INPP5A: variants seen among roughly 807,000 people sequenced by gnomAD.
The protein encoded by INPP5A is inositol polyphosphate-5-phosphatase A.
In INPP5A, 14 loss-of-function variants were observed where a neutral mutation model predicts 65.2. The observed-to-expected ratio is 0.21, with a 90% CI of 0.14 to 0.34. The LOEUF (loss-of-function observed/expected upper bound fraction) is 0.34, where lower values mean the gene tolerates loss of function less well. INPP5A is among the 10% of genes least tolerant of loss of function. The pLI, the probability that INPP5A is intolerant of heterozygous loss-of-function variation, is 1.00. For missense variants in INPP5A, 431 were observed against 545.6 expected, an observed-to-expected ratio of 0.79 and a Z score of 2.09; for synonymous variants, 207 against 208.3, an observed-to-expected ratio of 0.99 and a Z score of 0.05.
chr10:132,587,868 C>T lies in INPP5A; in HGVS notation c.76-20047C>T, dbSNP rs145010315. ...TCTACTAAAAAGACAAAAAATTAGCCGGGCATGGTGGTGCACGCCTGTAAT... is the reference window on the plus strand; with the variant it reads ...TCTACTAAAAAGACAAAAAATTAGCTGGGCATGGTGGTGCACGCCTGTAAT... On this transcript the variant is annotated intron_variant, in intron 1 of 15. Coordinates refer to ENST00000368594, the MANE Select transcript of INPP5A (RefSeq NM_005539.5). This position sits in a 1 kb window ranked among gnomAD's most constrained non-coding sequence, Gnocchi z 4.3. 0.022 allele frequency among the ~76,000 whole-genome samples: 3,277 copies of T among 152,058 alleles called. 48 individuals carry two copies. Among genetic ancestry groups the T allele is most frequent in the Middle Eastern group, 0.075 (22 of 294 alleles).
chr10:132,760,570 G>A (rs12249680), intron 11 of INPP5A, among the ~76,000 whole-genome samples: 3,476 of 152,356 alleles, frequency 0.023, 119 homozygotes, highest in African/African-American at 0.078. Flanking sequence ...CATTAAGGAC[G>A]TGGCATCGGA....
intron 2 of INPP5A, among the ~76,000 whole-genome samples, chr10:132,630,178 A>C (rs1017537714): frequency 5.3e-5 from 8 of 152,172 alleles, no homozygotes; most frequent in African/African-American, 1.9e-4. Flanking sequence ...AAAGGCGTCC[A>C]TGAGGGTAAG....
At chr10:132,738,917 A>G (rs1846225604) in intron 9 of INPP5A, among the ~76,000 whole-genome samples, 1 of 152,160 alleles carries the variant, frequency 6.6e-6, no homozygotes, top group Non-Finnish European at 1.5e-5. Flanking sequence ...TCTGTGCTCC[A>G]GGGCCTCACG....
intron 5 of INPP5A, among the ~76,000 whole-genome samples, chr10:132,691,542 T>C (rs1009671807): frequency 6.6e-6 from 1 of 152,244 alleles, no homozygotes; most frequent in African/African-American, 2.4e-5. Context: ...GCAGACCTTT[T>C]GTGTTTTTCA....
At chr10:132,671,561 G>A (rs1225979971) in intron 4 of INPP5A, among the ~76,000 whole-genome samples, 1 of 152,202 alleles carries the variant, frequency 6.6e-6, no homozygotes, top group African/African-American at 2.4e-5. Flanking sequence ...AGCCCTTCCT[G>A]CCATGCCTGT....
chr10:132,656,423 G>C (rs2072657354), intron 4 of INPP5A, among the ~76,000 whole-genome samples: 1 of 152,226 alleles, frequency 6.6e-6, no homozygotes. Flanking sequence ...CGGACACACT[G>C]CCTCCAGGGA....
intron 1 of INPP5A, among the ~76,000 whole-genome samples, chr10:132,539,445 G>C (rs2070881659): frequency 6.6e-6 from 1 of 152,064 alleles, no homozygotes; most frequent in Admixed American, 6.5e-5. Flanking sequence ...TTACCTTCTA[G>C]GGCCCCTCCC....
chr10:132,650,531 AG>A lies in INPP5A; in HGVS notation c.306+30del, dbSNP rs764777409. 1 of 1,545,142 alleles carries A rather than the reference AG, an allele frequency of 6.5e-7. No individual in the cohort carries two copies. Among genetic ancestry groups the A allele is most frequent in the Non-Finnish European group, 8.9e-7 (1 of 1,118,934 alleles). ...GTGAGTCCCTCCCGCTGCCTGGTGC[AG>A]GGGTCAGACAGGCTGGCCTTGGCAG... On this transcript the variant is annotated intron_variant, in intron 4 of 15. Coordinates refer to ENST00000368594, the MANE Select transcript of INPP5A (RefSeq NM_005539.5). The surrounding 1 kb of genome is among the most constrained non-coding windows in gnomAD (Gnocchi z 5.5).
At chr10:132,662,201 T>C (rs550949994) in intron 4 of INPP5A, among the ~76,000 whole-genome samples, 72 of 152,254 alleles carry the variant, frequency 4.7e-4, no homozygotes, top group Non-Finnish European at 8.2e-4. Context: ...AGCCGTCGTG[T>C]TAGTGCTGGA....
intron 8 of INPP5A, among the ~76,000 whole-genome samples, chr10:132,724,678 A>G (rs1174453145): frequency 1.3e-5 from 2 of 151,354 alleles, no homozygotes; most frequent in African/African-American, 4.8e-5. Flanking sequence ...CCAGGACGAC[A>G]GGAGCACACG....
rs1307113666 is a variant in INPP5A at position 132,575,678 on chromosome 10, A to G, written c.76-32237A>G. 2.0e-5 allele frequency among the ~76,000 whole-genome samples: 3 copies of G among 152,170 alleles called. No individual in the cohort carries two copies. Among genetic ancestry groups the G allele is most frequent in the South Asian group, 2.1e-4 (1 of 4,826 alleles). On this transcript the variant is annotated intron_variant, in intron 1 of 15. Coordinates refer to ENST00000368594, the MANE Select transcript of INPP5A (RefSeq NM_005539.5). This position sits in a 1 kb window ranked among gnomAD's most constrained non-coding sequence, Gnocchi z 5.4. ...GCGAGGAGGAATCCTGCACCAGCTT[A>G]GACAAGGAACTCCTGACGCCTCAGC...
intron 6 of INPP5A, among the ~76,000 whole-genome samples, chr10:132,700,219 C>T (rs988890639): frequency 2.6e-5 from 4 of 152,260 alleles, no homozygotes; most frequent in African/African-American, 9.6e-5. Context: ...GAGGAAAAGG[C>T]ACCGAGCCTC....
intron 4 of INPP5A, among the ~76,000 whole-genome samples, chr10:132,679,933 C>T (rs1371956735): frequency 6.6e-6 from 1 of 152,152 alleles, no homozygotes; most frequent in Non-Finnish European, 1.5e-5. Context: ...ATGAAGTTGG[C>T]CCCTCACATT....
intron 1 of INPP5A, among the ~76,000 whole-genome samples, chr10:132,543,726 C>A (rs972212902): frequency 6.6e-6 from 1 of 152,262 alleles, no homozygotes; most frequent in African/African-American, 2.4e-5. Context: ...TCTCTTTATT[C>A]CTGTTTATGG....
At position 132,706,194 on chromosome 10, in the gene INPP5A, G is replaced by A. The variant is rs758744730; in HGVS notation, c.475-2119G>A. On this transcript the variant is annotated intron_variant, in intron 6 of 15. Transcript: ENST00000368594. This position sits in a 1 kb window ranked among gnomAD's most constrained non-coding sequence, Gnocchi z 4.7. ...GAGTTCATCTAAACATAGTCAAGAC[G>A]GACAAAGATTTGTGTTTGTTTGGTT... is the stretch of plus-strand genomic sequence containing the variant. 2.6e-5 allele frequency among the ~76,000 whole-genome samples: 4 copies of A among 152,330 alleles called. No individual in the cohort carries two copies. Among genetic ancestry groups the A allele is most frequent in the South Asian group, 4.1e-4 (2 of 4,826 alleles).
At chr10:132,781,386 A>G (rs982590850) in intron 14 of INPP5A, among the ~76,000 whole-genome samples, 4 of 152,106 alleles carry the variant, frequency 2.6e-5, no homozygotes, top group African/African-American at 9.7e-5. Context: ...GCACCTCGAG[A>G]GTGTGCACAG....
chr10:132,637,432 A>T lies in INPP5A; in HGVS notation c.118-8436A>T, dbSNP rs2072370729. Among the ~76,000 whole-genome samples the T allele has an allele frequency of 6.7e-6, 1 of 149,760 alleles. No homozygotes were observed. Among genetic ancestry groups the T allele is most frequent in the African/African-American group, 2.5e-5 (1 of 40,712 alleles). On this transcript the variant is annotated intron_variant, in intron 2 of 15. Coordinates refer to ENST00000368594, the MANE Select transcript of INPP5A (RefSeq NM_005539.5). This position sits in a 1 kb window ranked among gnomAD's most constrained non-coding sequence, Gnocchi z 4.1. The stretch of plus-strand genomic sequence containing the variant: ...TAAGTGCGGGTCTTTTTCTGTTTTG[A>T]AGTTTTCCTGGGTTATAGTTTTAAA...
intron 1 of INPP5A, among the ~76,000 whole-genome samples, chr10:132,592,203 G>T (rs1253345477): frequency 6.6e-6 from 1 of 152,192 alleles, no homozygotes; most frequent in East Asian, 1.9e-4. Flanking sequence ...GCAACAGTTT[G>T]AAAACATAAA....
rs774114474 is a variant in INPP5A at position 132,753,974 on chromosome 10, C to G, written c.903+4129C>G. 7.2e-5 allele frequency: 11 copies of G among 152,254 alleles called. No homozygotes were observed. Among genetic ancestry groups the G allele is most frequent in the Non-Finnish European group, 1.3e-4 (9 of 68,050 alleles). The allele number at this position is 152,254 out of a possible 1,614,324, so 9.4% of individuals were successfully genotyped here. A position where few individuals can be genotyped will look rare whatever the true frequency, so the allele number is the denominator to read the frequency against. ...GAGATACAAATTATCAATTCAACAG[C>G]AACGTGCGCAGTTTCTAATCAGAAA... On this transcript the variant is annotated intron_variant, in intron 11 of 15. Coordinates refer to ENST00000368594, the MANE Select transcript of INPP5A (RefSeq NM_005539.5). This position sits in a 1 kb window ranked among gnomAD's most constrained non-coding sequence, Gnocchi z 5.3.
Sources: allele counts gnomAD v4.1 joint callset (sites outside exome capture counted in the v4.1 genomes callset), GRCh38; gene constraint gnomAD v4.1.1; non-coding constraint Gnocchi (gnomAD v3.1); transcripts MANE v1.5; gene names NCBI Gene and HGNC (gene_info 2026-07-23, HGNC 2026-07-21).